GALR3: variants seen among roughly 807,000 people sequenced by gnomAD.
GALR3 encodes the protein galanin receptor type 3.
In GALR3, 5 loss-of-function variants were observed where a neutral mutation model predicts 6.9. The ratio of observed to expected loss-of-function variants is 0.72; its 90% CI spans 0.38 to 1.52. The LOEUF (loss-of-function observed/expected upper bound fraction) is 1.52. Among genes scored for constraint, GALR3 ranks in the 40% most tolerant of loss-of-function variants. The pLI, the probability that GALR3 is intolerant of heterozygous loss-of-function variation, is 0.03. For missense variants in GALR3, 570 were observed against 545.6 expected, an observed-to-expected ratio of 1.04 and a Z score of -0.44; for synonymous variants, 308 against 263.6, an observed-to-expected ratio of 1.17 and a Z score of -1.63.
At chr22:37,824,607 C>T in intron 1 of GALR3, 116 bp from the exon 2 acceptor site, 1 of 514,954 alleles carries the variant, frequency 1.9e-6, no homozygotes. Context: ...TAATCCCCGC[C>T]ACGTCCCCCA....
rs759215000 is a variant in GALR3, at chr22:37,825,104, C to T, written c.741C>T (p.Cys247=). The T allele has an allele frequency of 2.2e-6, 3 of 1,364,192 alleles. No homozygotes were observed. Among genetic ancestry groups the T allele is most frequent in the South Asian group, 1.6e-5 (1 of 63,624 alleles). The allele number at this position is 1,364,192 out of a possible 1,614,324, so 84.5% of individuals were successfully genotyped here. ...MLAVAALYAL[C]WGPHHALILC... ...CGGTGGCCGCGCTCTACGCGCTCTG[C>T]TGGGGTCCGCACCACGCGCTCATCC... The change falls in exon 2 of 2, where the codon TGC becomes TGT. Residue 247 remains cysteine (C), a synonymous_variant. Coordinates refer to ENST00000249041, the MANE Select transcript of GALR3 (RefSeq NM_003614.2).
rs1471631304 is a variant in GALR3 at position 37,825,034 on chromosome 22, A to T, written c.671A>T (p.Glu224Val). Residue 224 changes from glutamate (E) to valine (V), a missense_variant, in exon 2 of 2, where the codon GAG becomes GTG. Coordinates refer to ENST00000249041, the MANE Select transcript of GALR3 (RefSeq NM_003614.2). ...GGTCCCGCGGGCGCGGCGGCGGCCG[A>T]GGCGCGGCGGAGGGCGACGGGCCGC... Reference protein sequence around the residue: ...AVGPAGAAAAEARRRATGRAG... With the variant: ...AVGPAGAAAAVARRRATGRAG... 8.7e-7 allele frequency: 1 copy of T among 1,154,158 alleles called. No homozygotes were observed. The highest frequency in any genetic ancestry group is 1.6e-5 in the African/African-American group (1 of 60,902). The allele number at this position is 1,154,158 out of a possible 1,614,324, so 71.5% of individuals were successfully genotyped here. A position where few individuals can be genotyped will look rare whatever the true frequency, so the allele number is the denominator to read the frequency against.
Position 37,825,406 on chromosome 22 carries a change from G to A in GALR3, c.1043G>A (p.Gly348Asp). 1 of 1,396,462 alleles carries A rather than the reference G, an allele frequency of 7.2e-7. No homozygotes were observed. Among genetic ancestry groups the A allele is most frequent in the Non-Finnish European group, 9.3e-7 (1 of 1,070,776 alleles). 86.5% of individuals were successfully genotyped at this position (1,396,462 alleles called of 1,614,324 possible). Reference sequence around the variant, plus strand: ...AGCGGGAGGCTGCTGGCTGGTGGCGGCCAGGGCCCGGAGCCCAGGGAGGGA... The same window carrying A: ...AGCGGGAGGCTGCTGGCTGGTGGCGACCAGGGCCCGGAGCCCAGGGAGGGA... ...RPSGRLLAGG[G>D]QGPEPREGPV... Residue 348 changes from glycine to aspartate, a missense_variant, in exon 2 of 2, where the codon GGC (glycine) becomes GAC (aspartate). Gly to Asp is a moderately conservative substitution (Grantham distance 94, BLOSUM62 -1). Coordinates refer to ENST00000249041, the MANE Select transcript of GALR3 (RefSeq NM_003614.2).
rs781271024 is a variant in GALR3 at position 37,825,230 on chromosome 22, C to A, written c.867C>A (p.Leu289=). 12 of 1,464,332 alleles carry A rather than the reference C, an allele frequency of 8.2e-6. No individual in the cohort carries two copies. Among genetic ancestry groups the A allele is most frequent in the Non-Finnish European group, 1.1e-5 (12 of 1,101,756 alleles). The allele number at this position is 1,464,332 out of a possible 1,614,324, so 90.7% of individuals were successfully genotyped here. A position where few individuals can be genotyped will look rare whatever the true frequency, so the allele number is the denominator to read the frequency against. ...ACGCCAACTCCTGCCTCAACCCGCT[C>A]GTCTACGCGCTCGCCTCGCGCCACT... ...LAYANSCLNP[L]VYALASRHFR... is the part of the protein sequence containing the mutation. The change falls in exon 2 of 2, where the codon CTC becomes CTA. Residue 289 remains leucine, a synonymous_variant. Transcript: ENST00000249041.
At chr22:37,824,645 A>C (rs994278064) in intron 1 of GALR3, 78 bp from the exon 2 acceptor site, 2 of 902,762 alleles carry the variant, frequency 2.2e-6, no homozygotes, top group South Asian at 5.6e-5. Context: ...ACTGGGCCGC[A>C]GGGCCCGGGC....
intron 1 of GALR3, among the ~76,000 whole-genome samples, chr22:37,824,335 G>T (rs1922531483): frequency 6.6e-6 from 1 of 152,008 alleles, no homozygotes; most frequent in Non-Finnish European, 1.5e-5. Flanking sequence ...CCTCCCAAGT[G>T]CTGGGATTAC....
At chr22:37,824,594 C>A in intron 1 of GALR3, 129 bp from the exon 2 acceptor site, 1 of 425,418 alleles carries the variant, frequency 2.4e-6, no homozygotes, top group Non-Finnish European at 3.6e-6. Flanking sequence ...GCGTTCACAC[C>A]CTTAATCCCC....
Position 37,823,672 on chromosome 22 carries a change from T to C in GALR3, c.266T>C (p.Leu89Pro). ...ACCATCTACACGCTGGATGCCTGGC[T>C]CTTTGGGGCCCTCGTCTGCAAGGCC... ...QATIYTLDAW[L>P]FGALVCKAVH... The change falls in exon 1 of 2, where the codon CTC (leucine) becomes CCC (proline). Residue 89 changes from leucine (L) to proline (P), a missense_variant. By Grantham distance (98) the Leu-to-Pro change is moderately conservative. Coordinates refer to ENST00000249041, the MANE Select transcript of GALR3 (RefSeq NM_003614.2). 1 of 1,613,900 alleles carries C rather than the reference T, an allele frequency of 6.2e-7. No homozygotes were observed. Among genetic ancestry groups the C allele is most frequent in the Middle Eastern group, 1.7e-4 (1 of 6,030 alleles).
chr22:37,823,832 C>G (rs1261380161), intron 1 of GALR3, 67 bp downstream of exon 1: 3 of 838,684 alleles, frequency 3.6e-6, no homozygotes, highest in Non-Finnish European at 5.7e-6. Flanking sequence ...GAGTCCTGAA[C>G]AGATCCTCAC....
Position 37,825,290 on chromosome 22 carries a change from C to A in GALR3, c.927C>A (p.Gly309=). Residue 309 remains glycine, a synonymous_variant, in exon 2 of 2, where the codon GGC becomes GGA. Coordinates refer to ENST00000249041, the MANE Select transcript of GALR3 (RefSeq NM_003614.2). ...GCTTCCGCCGCCTGTGGCCGTGCGG[C>A]CGCCGACGCCGCCACCGTGCCCGCC... is the stretch of plus-strand genomic sequence containing the variant. The part of the protein sequence containing the change: ...RARFRRLWPC[G]RRRRHRARRA... 1 of 1,267,496 alleles carries A rather than the reference C, an allele frequency of 7.9e-7. No individual in the cohort carries two copies. Among genetic ancestry groups the A allele is most frequent in the Admixed American group, 3.9e-5 (1 of 25,536 alleles). The allele number at this position is 1,267,496 out of a possible 1,614,324, so 78.5% of individuals were successfully genotyped here.
chr22:37,825,321 T>A lies in GALR3; in HGVS notation c.958T>A (p.Leu320Met). The A allele has an allele frequency of 4.0e-6, 5 of 1,253,968 alleles. No homozygotes were observed. The highest frequency in any genetic ancestry group is 5.0e-6 in the Non-Finnish European group (5 of 1,002,538). The allele number at this position is 1,253,968 out of a possible 1,614,324, so 77.7% of individuals were successfully genotyped here. A position where few individuals can be genotyped will look rare whatever the true frequency, so the allele number is the denominator to read the frequency against. The change falls in exon 2 of 2, where the codon TTG (leucine) becomes ATG (methionine). Residue 320 changes from leucine to methionine, a missense_variant. By Grantham distance (15) the Leu-to-Met change is conservative. Transcript: ENST00000249041. ...ACGCCGCCACCGTGCCCGCCGCGCC[T>A]TGCGTCGCGTCCGCCCCGCGTCCTC... Reference protein sequence around the residue: ...RRRRHRARRALRRVRPASSGP... With the variant: ...RRRRHRARRAMRRVRPASSGP...
chr22:37,824,901 C>T lies in GALR3; in HGVS notation c.538C>T (p.Arg180Cys). 1.5e-6 allele frequency: 2 copies of T among 1,365,114 alleles called. No individual in the cohort carries two copies. The highest frequency in any genetic ancestry group is 1.8e-5 in the South Asian group (1 of 56,568). 84.6% of individuals were successfully genotyped at this position (1,365,114 alleles called of 1,614,324 possible). Residue 180 changes from arginine to cysteine, a missense_variant, in exon 2 of 2, where the codon CGC becomes TGC. Physicochemically the swap from Arg to Cys is radical, Grantham distance 180. Coordinates refer to ENST00000249041, the MANE Select transcript of GALR3 (RefSeq NM_003614.2). ...CTGCGTGCCCGCCTGGGAGGACGCG[C>T]GCCGCCGCGCCCTGGACGTGGCCAC... ...ELCVPAWEDA[R>C]RRALDVATFA...
chr22:37,824,219 G>A (rs1446804324), intron 1 of GALR3, among the ~76,000 whole-genome samples: 1 of 151,848 alleles, frequency 6.6e-6, no homozygotes, highest in Non-Finnish European at 1.5e-5. Context: ...GGGATTACAG[G>A]CCACCACACC....
rs1183827372 is a variant in GALR3 at position 37,824,841 on chromosome 22, TACTACGGCACCGTGC to T, written c.479_493del (p.Tyr160_Arg165delinsCys). 1.4e-6 allele frequency: 2 copies of T among 1,424,420 alleles called. No homozygotes were observed. Among genetic ancestry groups the T allele is most frequent in the Non-Finnish European group, 1.8e-6 (2 of 1,084,884 alleles). The allele number at this position is 1,424,420 out of a possible 1,614,324, so 88.2% of individuals were successfully genotyped here. On this transcript the variant is annotated inframe_deletion, in exon 2 of 2. Coordinates refer to ENST00000249041, the MANE Select transcript of GALR3 (RefSeq NM_003614.2). Reference sequence around the variant, plus strand: ...GCTCTTCTCGGCGCCCTACCTCAGCTACTACGGCACCGTGCGCTACGGCGCGCTGGAGCTCTGCGT... The same window carrying T: ...GCTCTTCTCGGCGCCCTACCTCAGCTGCTACGGCGCGCTGGAGCTCTGCGT...
Position 37,823,493 on chromosome 22 carries a change from G to C in GALR3, c.87G>C (p.Leu29=), listed in dbSNP as rs764261329. 6.2e-7 allele frequency: 1 copy of C among 1,614,044 alleles called. No individual in the cohort carries two copies. Among genetic ancestry groups the C allele is most frequent in the Admixed American group, 1.7e-5 (1 of 60,024 alleles). The change falls in exon 1 of 2, where the codon CTG becomes CTC. Residue 29 remains leucine (L), a synonymous_variant. Coordinates refer to ENST00000249041, the MANE Select transcript of GALR3 (RefSeq NM_003614.2). ...AVPVVFALIF[L]LGTVGNGLVL... ...CTGTGGTCTTTGCCCTAATCTTCCT[G>C]CTGGGCACAGTGGGCAATGGGCTGG...
rs1378042711 is a variant in GALR3 at position 37,823,455 on chromosome 22, G to A, written c.49G>A (p.Ala17Thr). The change falls in exon 1 of 2, where the codon GCC becomes ACC. Residue 17 changes from alanine (A) to threonine (T), a missense_variant. Coordinates refer to ENST00000249041, the MANE Select transcript of GALR3 (RefSeq NM_003614.2). ...ACTGGACAGCCCAGGGAGTGTGGGGGCCGTGGCAGTGCCTGTGGTCTTTGC... is the reference window on the plus strand; with the variant it reads ...ACTGGACAGCCCAGGGAGTGTGGGGACCGTGGCAGTGCCTGTGGTCTTTGC... ...ISLDSPGSVG[A>T]VAVPVVFALI... The A allele has an allele frequency of 6.2e-7, 1 of 1,611,698 alleles. No homozygotes were observed. The highest frequency in any genetic ancestry group is 1.3e-5 in the African/African-American group (1 of 74,914).
intron 1 of GALR3, among the ~76,000 whole-genome samples, 180 bp downstream of exon 1, chr22:37,823,945 G>A (rs559033177): frequency 5.3e-5 from 8 of 152,244 alleles, no homozygotes; most frequent in Admixed American, 2.6e-4. Flanking sequence ...CCTGCAGGGC[G>A]TGCTTGAGGG....
rs1922558987 is a variant in GALR3 at position 37,824,974 on chromosome 22, A to G, written c.611A>G (p.Tyr204Cys). ...CCCGTGGCTGTGGTGAGCCTGGCCT[A>G]CGGGCGCACGCTGCGCTTCCTGTGG... ...LLPVAVVSLAYGRTLRFLWAA... is the reference protein window; with the variant it reads ...LLPVAVVSLACGRTLRFLWAA... Residue 204 changes from tyrosine (Y) to cysteine (C), a missense_variant, in exon 2 of 2, where the codon TAC (tyrosine) becomes TGC (cysteine). By Grantham distance (194) the Tyr-to-Cys change is radical (BLOSUM62 -2). Transcript: ENST00000249041. 4.8e-6 allele frequency: 6 copies of G among 1,245,452 alleles called. No homozygotes were observed. The African/African-American group carries it at 6.3e-5, about 13-fold the overall frequency. 77.2% of individuals were successfully genotyped at this position (1,245,452 alleles called of 1,614,324 possible).
At position 37,825,046 on chromosome 22, in the gene GALR3, G is replaced by A. The variant is rs1922563078; in HGVS notation, c.683G>A (p.Arg228Lys). ...GCGGCGGCGGCCGAGGCGCGGCGGA[G>A]GGCGACGGGCCGCGCGGGGCGCGCC... is the stretch of plus-strand genomic sequence containing the variant. ...AGAAAAEARR[R>K]ATGRAGRAML... Residue 228 changes from arginine (R) to lysine (K), a missense_variant, in exon 2 of 2, where the codon AGG (arginine) becomes AAG (lysine). Arg to Lys is a conservative substitution (Grantham distance 26, BLOSUM62 2). Transcript: ENST00000249041. 7.9e-6 allele frequency: 9 copies of A among 1,144,764 alleles called. No individual in the cohort carries two copies. The highest frequency in any genetic ancestry group is 9.7e-6 in the Non-Finnish European group (9 of 932,240). The allele number at this position is 1,144,764 out of a possible 1,614,324, so 70.9% of individuals were successfully genotyped here.
Sources: allele counts gnomAD v4.1 joint callset (sites outside exome capture counted in the v4.1 genomes callset), GRCh38; gene constraint gnomAD v4.1.1; transcripts MANE v1.5; gene names NCBI Gene and HGNC (gene_info 2026-07-23, HGNC 2026-07-21).